The following ZNF232 variants were observed in gnomAD, a reference collection of about 807,000 sequenced individuals.
ZNF232 encodes zinc finger and SCAN domain-containing protein 11.
Under a neutral mutation model 25.2 loss-of-function variants are expected in ZNF232, and 25 were observed. The ratio of observed to expected loss-of-function variants is 0.99; its 90% CI spans 0.72 to 1.39. The LOEUF (loss-of-function observed/expected upper bound fraction) is 1.39, where lower values mean the gene tolerates loss of function less well. Ranked by LOEUF, ZNF232 falls within the 40% of genes most tolerant of loss-of-function variation. ZNF232 has a pLI of 0.00. For missense variants in ZNF232, 519 were observed against 520.9 expected (o/e 1.00, Z 0.04); for synonymous variants, 193 against 182.9 (o/e 1.06, Z -0.45).
chr17:5,120,716 T>C, intron 1 of ZNF232: 1 of 428,614 alleles, frequency 2.3e-6, no homozygotes, highest in Non-Finnish European at 4.7e-6. Flanking sequence ...GGATCCTGAA[T>C]GAGATGCATG....
At chr17:5,115,287 C>A (rs995470872), upstream of ZNF232, among the ~76,000 whole-genome samples, 1 of 151,918 alleles carries the variant, frequency 6.6e-6, no homozygotes, top group South Asian at 2.1e-4. Context: ...TGTGGTGGGT[C>A]GTGCCTGTAA....
exon 4 of ZNF232, chr17:5,106,047 C>T: frequency 6.2e-7 from 1 of 1,614,138 alleles, no homozygotes; most frequent in South Asian, 1.1e-5. Context: ...AAGATGAGCA[C>T]CCCATCTGAA....
At chr17:5,108,711 C>T in intron 3 of ZNF232, 1 of 604,280 alleles carries the variant, frequency 1.7e-6, no homozygotes, top group Non-Finnish European at 2.6e-6. Context: ...TGAGCTTAAT[C>T]CTCAGAGCTA....
chr17:5,115,141 A>G (rs2072499067), upstream of ZNF232: 2 of 132,464 alleles, frequency 1.5e-5, no homozygotes, highest in Non-Finnish European at 3.1e-5. Context: ...CGAGCCAGGA[A>G]GGCATCAGGA....
chr17:5,116,128 C>T (rs1210045338), upstream of ZNF232, among the ~76,000 whole-genome samples: 1 of 152,212 alleles, frequency 6.6e-6, no homozygotes, highest in African/African-American at 2.4e-5. Flanking sequence ...CATCAGTCTT[C>T]CCCTCACTCG....
chr17:5,105,867 A>G (rs752064075), exon 4 of ZNF232: 1 of 1,612,086 alleles, frequency 6.2e-7, no homozygotes, highest in Non-Finnish European at 8.5e-7. Flanking sequence ...CCGATGTCTA[A>G]TGAGCTCTGA....
At chr17:5,110,120 G>C (rs2072365268) in intron 1 of ZNF232, among the ~76,000 whole-genome samples, 1 of 152,106 alleles carries the variant, frequency 6.6e-6, no homozygotes, top group Non-Finnish European at 1.5e-5. Flanking sequence ...TTGAACTCCT[G>C]ACCTCAGGTG....
chr17:5,109,682 G>C, exon 2 of ZNF232: 1 of 1,614,176 alleles, frequency 6.2e-7, no homozygotes, highest in East Asian at 2.2e-5. Flanking sequence ...TGGTAGAGTG[G>C]TTCCCAGGTA....
intron 1 of ZNF232, 139 bp downstream of exon 1, chr17:5,111,661 C>T (rs2072414365): frequency 3.0e-6 from 4 of 1,347,466 alleles, no homozygotes; most frequent in South Asian, 1.3e-5. Context: ...GCGGGCACCA[C>T]GGGCAACCCA....
At chr17:5,122,582 C>G (rs1458141108) in intron 1 of ZNF232, among the ~76,000 whole-genome samples, 1 of 152,226 alleles carries the variant, frequency 6.6e-6, no homozygotes, top group East Asian at 1.9e-4. Flanking sequence ...GGCCCCCTCC[C>G]CAGCCCAACC....
intron 3 of ZNF232, 62 bp downstream of exon 3, chr17:5,108,864 G>A: frequency 1.9e-6 from 3 of 1,610,866 alleles, no homozygotes; most frequent in Non-Finnish European, 2.5e-6. Context: ...ACAGGTACTA[G>A]GTACTGTGCC....
rs1293388359 is a variant in ZNF232 at position 5,111,793 on chromosome 17, C to T, written c.23+7G>A. On this transcript the variant is annotated splice_region_variant and intron_variant, in intron 1 of 3. Transcript: ENST00000575898. Reference sequence around the variant, plus strand: ...TGGACCTCGGGGAAGCCGCCGCCAACACTCACCTCACAGGACCAGGAGGTT... The same window carrying T: ...TGGACCTCGGGGAAGCCGCCGCCAATACTCACCTCACAGGACCAGGAGGTT... The T allele has an allele frequency of 8.1e-6, 13 of 1,613,758 alleles. No individual in the cohort carries two copies. Among genetic ancestry groups the T allele is most frequent in the Non-Finnish European group, 1.0e-5 (12 of 1,179,888 alleles).
chr17:5,118,200 G>C (rs144730574), intron 1 of ZNF232: 1 of 152,414 alleles, frequency 6.6e-6, no homozygotes, highest in African/African-American at 2.4e-5. Flanking sequence ...ATTGATACAG[G>C]ATTTTTTTCC....
At chr17:5,121,912 G>C (rs529682099) in intron 1 of ZNF232, among the ~76,000 whole-genome samples, 23 of 152,308 alleles carry the variant, frequency 1.5e-4, no homozygotes, top group African/African-American at 5.1e-4. Flanking sequence ...GTCTGATTGA[G>C]GAGCCTTGAA....
chr17:5,107,573 C>T (rs1194918837), intron 3 of ZNF232, among the ~76,000 whole-genome samples: 2 of 139,096 alleles, frequency 1.4e-5, no homozygotes, highest in Non-Finnish European at 1.5e-5. Flanking sequence ...GAGTCTTGCT[C>T]TGTTGCCCAG....
intron 1 of ZNF232, among the ~76,000 whole-genome samples, chr17:5,122,575 C>G (rs2072716762): frequency 6.6e-6 from 1 of 152,228 alleles, no homozygotes; most frequent in Admixed American, 6.5e-5. Flanking sequence ...AGCCCTGGGC[C>G]CCCTCCCCAG....
intron 1 of ZNF232, chr17:5,120,652 T>C: frequency 5.1e-6 from 2 of 388,814 alleles, no homozygotes; most frequent in Non-Finnish European, 1.0e-5. Context: ...TGAGGTCAGG[T>C]GGATGAGGAT....
At chr17:5,111,570 C>G in intron 1 of ZNF232, 1 of 636,124 alleles carries the variant, frequency 1.6e-6, no homozygotes, top group Non-Finnish European at 2.7e-6. Flanking sequence ...ACTCCCTACC[C>G]AAGGGTCTCG....
chr17:5,111,884 C>T (rs927696943), upstream of ZNF232: 10 of 1,604,052 alleles, frequency 6.2e-6, no homozygotes, highest in African/African-American at 1.2e-4. Context: ...TTTGCGCCTG[C>T]GCAGGTCGCA....
Sources: allele counts gnomAD v4.1 joint callset (sites outside exome capture counted in the v4.1 genomes callset), GRCh38; gene constraint gnomAD v4.1.1; transcripts MANE v1.5; gene names NCBI Gene and HGNC (gene_info 2026-07-23, HGNC 2026-07-21).